COL22A1: variants seen among roughly 807,000 people sequenced by gnomAD.
COL22A1 encodes the protein collagen type XXII alpha 1 chain.
Under a neutral mutation model 248.9 loss-of-function variants are expected in COL22A1, and 221 were observed. That is an observed-to-expected ratio of 0.89 (90% confidence interval 0.80 to 0.99). COL22A1 has a LOEUF of 0.99. Ranked by LOEUF, COL22A1 falls within the 50% of genes least tolerant of loss-of-function variation. COL22A1 has a pLI of 0.00. For missense variants in COL22A1, 2,240 were observed against 2,179.0 expected (o/e 1.03, Z -0.56); for synonymous variants, 891 against 793.4 (o/e 1.12, Z -2.07).
In COL22A1 at chr8:138,602,156, C is replaced by A. The variant is rs1285809067; in HGVS notation, c.4144G>T (p.Val1382Phe). 8 of 1,614,044 alleles carry A rather than the reference C, an allele frequency of 5.0e-6. No individual in the cohort carries two copies. The East Asian group carries it at 1.1e-4, about 22-fold the overall frequency. Reference sequence around the variant, plus strand: ...CCAGGCTCTCCAGGCTTCCCAGGGACCCCCTGCAAGGAGAAAGAAAGGACA... The same window carrying A: ...CCAGGCTCTCCAGGCTTCCCAGGGAACCCCTGCAAGGAGAAAGAAAGGACA... ...GEKGVPGKEG[V>F]PGKPGEPGFK... Residue 1382 changes from valine to phenylalanine, a missense_variant, in exon 60 of 65, where the codon GTC becomes TTC. By Grantham distance (50) the Val-to-Phe change is conservative (BLOSUM62 -1). Coordinates refer to ENST00000303045, the MANE Select transcript of COL22A1 (RefSeq NM_152888.3).
chr8:138,652,735 G>GTTTTTT (rs71316352), intron 45 of COL22A1, among the ~76,000 whole-genome samples: 754 of 54,238 alleles, frequency 0.014, 237 homozygotes, highest in Non-Finnish European at 0.015. Context: ...TCCTTTTCTG[G>GTTTTTT]TTTTTTTTTT....
chr8:138,860,682 C>G (rs941167943), intron 3 of COL22A1, among the ~76,000 whole-genome samples: 2 of 152,158 alleles, frequency 1.3e-5, no homozygotes, highest in Non-Finnish European at 2.9e-5. Flanking sequence ...GTGGTTCACA[C>G]CTGTAGTCCC....
rs557242073 is a variant in COL22A1, at chr8:138,889,334, C to T, written c.-72-6090G>A. Among the ~76,000 whole-genome samples the T allele has an allele frequency of 2.2e-3, 330 of 152,304 alleles. 4 individuals are homozygous for T. The highest frequency in any genetic ancestry group is 7.8e-3 in the African/African-American group (323 of 41,560). On this transcript the variant is annotated intron_variant, in intron 1 of 64. Coordinates refer to ENST00000303045, the MANE Select transcript of COL22A1 (RefSeq NM_152888.3). Reference sequence around the variant, plus strand: ...AACCCAAATGTCCAACAATGATAGACTGGATTAAGAAAATGTGGCACGTAT... The same window carrying T: ...AACCCAAATGTCCAACAATGATAGATTGGATTAAGAAAATGTGGCACGTAT...
chr8:138,626,354 G>C lies in COL22A1; in HGVS notation c.3664-111C>G, dbSNP rs1820239316. Reference sequence around the variant, plus strand: ...GGTTGGGGGAGTGAGTGTTTGGTGAGAAACAAGGAGTGCTTCTGTATCAGC... The same window carrying C: ...GGTTGGGGGAGTGAGTGTTTGGTGACAAACAAGGAGTGCTTCTGTATCAGC... On this transcript the variant is annotated intron_variant, in intron 50 of 64. Coordinates refer to ENST00000303045, the MANE Select transcript of COL22A1 (RefSeq NM_152888.3). The C allele has an allele frequency of 4.6e-6, 4 of 862,444 alleles. No individual in the cohort carries two copies. The African/African-American group carries it at 6.9e-5, about 15-fold the overall frequency. The allele number at this position is 862,444 out of a possible 1,614,324, so 53.4% of individuals were successfully genotyped here. A position where few individuals can be genotyped will look rare whatever the true frequency, so the allele number is the denominator to read the frequency against.
intron 9 of COL22A1, among the ~76,000 whole-genome samples, chr8:138,811,194 C>T (rs899009785): frequency 3.4e-5 from 5 of 144,996 alleles, no homozygotes; most frequent in South Asian, 2.3e-4. Flanking sequence ...CATTCTAGGA[C>T]GGTCGTGGTG....
intron 23 of COL22A1, among the ~76,000 whole-genome samples, chr8:138,730,356 G>T (rs529801333): frequency 3.9e-5 from 6 of 152,250 alleles, no homozygotes; most frequent in African/African-American, 1.4e-4. Context: ...TATCCCTGGA[G>T]ACCCAGTATG....
chr8:138,733,067 A>G (rs910593840), intron 23 of COL22A1, among the ~76,000 whole-genome samples: 1 of 152,146 alleles, frequency 6.6e-6, no homozygotes, highest in Non-Finnish European at 1.5e-5. Context: ...ATGACTTCCC[A>G]CTTCAAGGGG....
Position 138,794,386 on chromosome 8 carries a change from C to CA in COL22A1, c.1596+2432dup, listed in dbSNP as rs753489322. On this transcript the variant is annotated intron_variant, in intron 12 of 64. Transcript: ENST00000303045. The stretch of plus-strand genomic sequence containing the variant: ...TGGCGACAGAGTGAGACTCCATCTC[C>CA]AAAAAAAAAAAAAAGGAGCTGCTGA... 2.7e-3 allele frequency among the ~76,000 whole-genome samples: 351 copies of CA among 128,552 alleles called. 1 individual carries two copies. The highest frequency in any genetic ancestry group is 4.7e-3 in the East Asian group (21 of 4,432). 84.3% of individuals were successfully genotyped at this position (128,552 alleles called of 152,430 possible). A position where few individuals can be genotyped will look rare whatever the true frequency, so the allele number is the denominator to read the frequency against.
In COL22A1 at chr8:138,757,038, C is replaced by T. The variant is rs570633220; in HGVS notation, c.1903-1209G>A. On this transcript the variant is annotated intron_variant, in intron 18 of 64. Transcript: ENST00000303045. ...TCTCTCCATGCTGCCAGTACCCCTG[C>T]ACACACGTGCACACACACGAGCACA... Among the ~76,000 whole-genome samples, 23 of 152,352 alleles carry T rather than the reference C, an allele frequency of 1.5e-4. No homozygotes were observed. The South Asian group carries it at 3.9e-3, about 26-fold the overall frequency.
chr8:138,660,637 G>T (rs1195370935), intron 43 of COL22A1, among the ~76,000 whole-genome samples, 157 bp from the exon 44 acceptor site: 2 of 152,136 alleles, frequency 1.3e-5, no homozygotes, highest in Non-Finnish European at 2.9e-5. Flanking sequence ...AAAATGCGTG[G>T]TTTCTAATCT....
chr8:138,766,908 C>A (rs982700235), intron 16 of COL22A1, among the ~76,000 whole-genome samples: 7 of 152,224 alleles, frequency 4.6e-5, no homozygotes, highest in African/African-American at 1.7e-4. Flanking sequence ...GCTTTGCTAG[C>A]ACTGCACTGG....
chr8:138,857,581 G>A lies in COL22A1; in HGVS notation c.659-13423C>T, dbSNP rs545363415. Among the ~76,000 whole-genome samples, 8 of 152,294 alleles carry A rather than the reference G, an allele frequency of 5.3e-5. No individual in the cohort carries two copies. The East Asian group carries it at 5.8e-4, about 11-fold the overall frequency. ...CATGTCCAGGCCCCTCCTGCTCCTC[G>A]AATCTGCCACCCCATCCCGAAAATC... On this transcript the variant is annotated intron_variant, in intron 3 of 64. Transcript: ENST00000303045.
At chr8:138,655,694 G>T (rs1823185164) in intron 45 of COL22A1, among the ~76,000 whole-genome samples, 1 of 151,994 alleles carries the variant, frequency 6.6e-6, no homozygotes, top group Non-Finnish European at 1.5e-5. Flanking sequence ...CATTTAGATT[G>T]CAGCATGTGA....
intron 3 of COL22A1, among the ~76,000 whole-genome samples, chr8:138,863,489 G>A (rs1167701897): frequency 6.6e-6 from 1 of 152,142 alleles, no homozygotes; most frequent in Non-Finnish European, 1.5e-5. Flanking sequence ...GGTGTTGGGG[G>A]CCTAGGGGTA....
At chr8:138,641,275 G>C (rs1450820693) in intron 47 of COL22A1, among the ~76,000 whole-genome samples, 1 of 152,154 alleles carries the variant, frequency 6.6e-6, no homozygotes, top group East Asian at 1.9e-4. Context: ...TGCCTCCTCG[G>C]AGTCATCCAT....
chr8:138,597,705 C>T (rs1208575900), intron 61 of COL22A1, among the ~76,000 whole-genome samples: 5 of 152,236 alleles, frequency 3.3e-5, no homozygotes, highest in Non-Finnish European at 7.3e-5. Context: ...TAGCCCCATA[C>T]CTGGCATGAG....
intron 30 of COL22A1, among the ~76,000 whole-genome samples, chr8:138,714,977 A>G (rs965599829): frequency 1.3e-5 from 2 of 152,108 alleles, no homozygotes; most frequent in South Asian, 2.1e-4. Context: ...AATCATGTCT[A>G]TTATACCTGT....
At chr8:138,710,540 A>G (rs1828862481) in intron 30 of COL22A1, among the ~76,000 whole-genome samples, 1 of 151,976 alleles carries the variant, frequency 6.6e-6, no homozygotes, top group Non-Finnish European at 1.5e-5. Context: ...CTCCTGGTTT[A>G]AGTAGTTTCC....
intron 30 of COL22A1, among the ~76,000 whole-genome samples, chr8:138,711,834 A>T (rs1169368983): frequency 6.6e-6 from 1 of 152,190 alleles, no homozygotes; most frequent in African/African-American, 2.4e-5. Context: ...TGTGGGTGCC[A>T]TTCCTCCTGA....
Sources: gnomAD v4.1 joint callset for allele counts (sites outside exome capture counted in the v4.1 genomes callset) on GRCh38, gnomAD v4.1.1 for gene constraint, MANE v1.5 for transcripts, NCBI Gene and HGNC (gene_info 2026-07-23, HGNC 2026-07-21) for gene names.